Variants in MKLN1 observed in about 807,000 individuals in gnomAD.
MKLN1 encodes muskelin 1.
A neutral mutation model predicts 99.0 loss-of-function variants in MKLN1; 18 were observed. The observed-to-expected ratio is 0.18, with a 90% CI of 0.13 to 0.27. The LOEUF (loss-of-function observed/expected upper bound fraction) is 0.27, where lower values mean the gene tolerates loss of function less well. MKLN1 is among the 10% of genes least tolerant of loss of function. MKLN1 has a pLI of 1.00. For synonymous variants in MKLN1, 288 were observed against 293.2 expected, an observed-to-expected ratio of 0.98 and a Z score of 0.18; for missense variants, 621 against 875.9, an observed-to-expected ratio of 0.71 and a Z score of 3.67.
chr7:131,175,567 T>C (rs538144509), intron 2 of MKLN1, among the ~76,000 whole-genome samples: 121 of 152,324 alleles, frequency 7.9e-4, no homozygotes, highest in Non-Finnish European at 1.5e-3. Context: ...TACCCTCCAT[T>C]TCTTTATTTG....
intron 9 of MKLN1, among the ~76,000 whole-genome samples, chr7:131,429,490 T>G (rs1179809193): frequency 6.6e-6 from 1 of 152,236 alleles, no homozygotes; most frequent in African/African-American, 2.4e-5. Context: ...ATTCATCTTA[T>G]TTTTATTTCT....
At chr7:131,287,209 T>G (rs1798145179) in intron 3 of MKLN1, among the ~76,000 whole-genome samples, 1 of 152,152 alleles carries the variant, frequency 6.6e-6, no homozygotes, top group African/African-American at 2.4e-5. Flanking sequence ...GATGAACAGG[T>G]TTTGTGCTGG....
chr7:131,416,968 C>T (rs1051066646), intron 8 of MKLN1, among the ~76,000 whole-genome samples: 11 of 132,356 alleles, frequency 8.3e-5, no homozygotes, highest in East Asian at 2.2e-4. Context: ...GGCAACAAAG[C>T]GCAACCCTGT....
intron 3 of MKLN1, among the ~76,000 whole-genome samples, chr7:131,225,352 T>G (rs984933200): frequency 6.6e-6 from 1 of 152,264 alleles, no homozygotes; most frequent in South Asian, 2.1e-4. Flanking sequence ...TCAGAGCCCC[T>G]CATGACCTAA....
intron 17 of MKLN1, among the ~76,000 whole-genome samples, chr7:131,486,443 A>G (rs1306278566): frequency 6.6e-6 from 1 of 152,160 alleles, no homozygotes; most frequent in Non-Finnish European, 1.5e-5. Flanking sequence ...TAAAAAATAA[A>G]AAGGAATGTG....
chr7:131,204,028 A>G (rs1796769112), intron 3 of MKLN1, among the ~76,000 whole-genome samples: 1 of 152,206 alleles, frequency 6.6e-6, no homozygotes, highest in Non-Finnish European at 1.5e-5. Flanking sequence ...AGCTTTAACT[A>G]CCAAGCTATA....
At chr7:131,199,781 C>T (rs111523586) in intron 2 of MKLN1, among the ~76,000 whole-genome samples, 1 of 152,180 alleles carries the variant, frequency 6.6e-6, no homozygotes, top group Non-Finnish European at 1.5e-5. Context: ...GCAACATCTG[C>T]TGCCAGGGTT....
At chr7:131,391,079 T>A (rs75967271) in intron 4 of MKLN1, among the ~76,000 whole-genome samples, 8 of 152,066 alleles carry the variant, frequency 5.3e-5, no homozygotes, top group South Asian at 2.1e-4. Context: ...CTTTTTTTTT[T>A]AAGTAATATA....
intron 3 of MKLN1, among the ~76,000 whole-genome samples, chr7:131,283,183 C>T (rs1376194273): frequency 6.6e-6 from 1 of 152,156 alleles, no homozygotes; most frequent in Non-Finnish European, 1.5e-5. Flanking sequence ...CTCAAAAGAT[C>T]CTTCCGCTGT....
chr7:131,453,843 A>G (rs1041502935), intron 12 of MKLN1, among the ~76,000 whole-genome samples: 1 of 152,176 alleles, frequency 6.6e-6, no homozygotes, highest in African/African-American at 2.4e-5. Context: ...TTATAAACCA[A>G]TAAAAGTGGA....
chr7:131,310,273 C>G (rs1322636817), intron 3 of MKLN1: 1 of 152,124 alleles, frequency 6.6e-6, no homozygotes, highest in Non-Finnish European at 1.5e-5. Flanking sequence ...ATTTTAATAC[C>G]TCTCTGGATC....
chr7:131,276,208 A>C (rs2116569429), intron 3 of MKLN1, among the ~76,000 whole-genome samples: 1 of 152,252 alleles, frequency 6.6e-6, no homozygotes, highest in Middle Eastern at 3.4e-3. Flanking sequence ...GTTGCTTTGG[A>C]AGATTCAGGT....
Position 131,158,446 on chromosome 7 carries a change from A to C in MKLN1, c.-297+15505A>C, listed in dbSNP as rs28712186. On this transcript the variant is annotated intron_variant, in intron 2 of 7. Transcript: ENST00000416992. ...GAAACTCCATCTCAAACAAACAAAC[A>C]AACAAACAAACTTCTTATTAACCTG... Among the ~76,000 whole-genome samples, 377 of 152,218 alleles carry C rather than the reference A, an allele frequency of 2.5e-3. 4 individuals are homozygous for C. Among genetic ancestry groups the C allele is most frequent in the African/African-American group, 8.6e-3 (355 of 41,518 alleles).
chr7:131,413,670 G>C (rs758509594), intron 7 of MKLN1, among the ~76,000 whole-genome samples: 7 of 152,032 alleles, frequency 4.6e-5, no homozygotes, highest in African/African-American at 7.2e-5. Flanking sequence ...CTCCTGAGTA[G>C]CTGGGATTAC....
intron 2 of MKLN1, among the ~76,000 whole-genome samples, chr7:131,174,326 C>G (rs1234584726): frequency 1.3e-5 from 2 of 152,134 alleles, no homozygotes; most frequent in Non-Finnish European, 2.9e-5. Context: ...CCTTTTCATT[C>G]CACAATATGT....
At chr7:131,383,682 T>TA (rs993643432) in intron 2 of MKLN1, among the ~76,000 whole-genome samples, 1 of 152,224 alleles carries the variant, frequency 6.6e-6, no homozygotes, top group African/African-American at 2.4e-5. Flanking sequence ...CAGTAAATGA[T>TA]ATCACCACTT....
intron 13 of MKLN1, among the ~76,000 whole-genome samples, chr7:131,464,088 A>C (rs1403114806): frequency 6.6e-6 from 1 of 152,192 alleles, no homozygotes; most frequent in Non-Finnish European, 1.5e-5. Context: ...AGGATATGTG[A>C]GCTATTTACT....
At chr7:131,340,275 CT>C (rs398006316) in intron 1 of MKLN1, among the ~76,000 whole-genome samples, 603 of 85,002 alleles carry the variant, frequency 7.1e-3, no homozygotes, top group Middle Eastern at 0.028. Context: ...GTAATTACGG[CT>C]TTTTTTTTTT....
intron 1 of MKLN1, among the ~76,000 whole-genome samples, chr7:131,334,167 G>A (rs1193465191): frequency 6.6e-6 from 1 of 152,112 alleles, no homozygotes; most frequent in Non-Finnish European, 1.5e-5. Context: ...TACAGATAAT[G>A]GTGGTTATGA....
Sources: allele counts gnomAD v4.1 joint callset (sites outside exome capture counted in the v4.1 genomes callset), GRCh38; gene constraint gnomAD v4.1.1; transcripts MANE v1.5; gene names NCBI Gene and HGNC (gene_info 2026-07-23, HGNC 2026-07-21).